SGCZ: variants seen among roughly 807,000 people sequenced by gnomAD.
SGCZ encodes the protein sarcoglycan zeta.
In SGCZ, 40 loss-of-function variants were observed where a neutral mutation model predicts 41.3. The ratio of observed to expected loss-of-function variants is 0.97; its 90% CI spans 0.75 to 1.26. SGCZ has a LOEUF of 1.26. Ranked by LOEUF, SGCZ falls within the 50% of genes most tolerant of loss-of-function variation. The pLI is 0.00. For synonymous variants in SGCZ, 206 were observed against 137.5 expected, an observed-to-expected ratio of 1.50 and a Z score of -3.49; for missense variants, 552 against 369.8, an observed-to-expected ratio of 1.49 and a Z score of -4.04.
At chr8:15,228,521 T>C (rs529525504) in intron 1 of SGCZ, among the ~76,000 whole-genome samples, 1 of 152,182 alleles carries the variant, frequency 6.6e-6, no homozygotes, top group Non-Finnish European at 1.5e-5. Flanking sequence ...AAAATAGATT[T>C]GAAAACTTTA....
intron 5 of SGCZ, among the ~76,000 whole-genome samples, chr8:14,108,479 G>A (rs1218612377): frequency 1.3e-5 from 2 of 152,106 alleles, no homozygotes; most frequent in African/African-American, 2.4e-5. Context: ...GAGGCAACAG[G>A]CACTTCATAC....
chr8:14,774,749 G>A (rs914987101), intron 1 of SGCZ, among the ~76,000 whole-genome samples: 2 of 152,156 alleles, frequency 1.3e-5, no homozygotes, highest in African/African-American at 4.8e-5. Flanking sequence ...TCATTAGCAC[G>A]AAGGCAATAT....
intron 1 of SGCZ, among the ~76,000 whole-genome samples, chr8:14,679,435 G>A (rs536366548): frequency 2.2e-4 from 33 of 151,570 alleles, no homozygotes; most frequent in African/African-American, 7.0e-4. Context: ...TCCTGACCCC[G>A]CATAGGCCCA....
intron 1 of SGCZ, among the ~76,000 whole-genome samples, chr8:15,037,339 A>T (rs565336970): frequency 6.6e-6 from 1 of 152,148 alleles, no homozygotes; most frequent in South Asian, 2.1e-4. Flanking sequence ...TCACCATGTG[A>T]CGAAGGATAC....
At chr8:14,904,817 C>T (rs1218781452) in intron 1 of SGCZ, among the ~76,000 whole-genome samples, 3 of 151,774 alleles carry the variant, frequency 2.0e-5, no homozygotes, top group Non-Finnish European at 1.5e-5. Context: ...TTCTACAAGT[C>T]GTCACAGATT....
intron 1 of SGCZ, among the ~76,000 whole-genome samples, chr8:15,193,318 A>G (rs1438327758): frequency 6.6e-6 from 1 of 152,158 alleles, no homozygotes; most frequent in Non-Finnish European, 1.5e-5. Flanking sequence ...AGAATTCTAA[A>G]GCATTTAGGT....
chr8:15,063,798 A>G (rs1805025406), intron 1 of SGCZ, among the ~76,000 whole-genome samples: 1 of 152,186 alleles, frequency 6.6e-6, no homozygotes, highest in Non-Finnish European at 1.5e-5. Flanking sequence ...CTTGAAATTG[A>G]GTTATTAGTA....
Position 14,455,455 on chromosome 8 carries a change from T to TACACACACACACACAC in SGCZ, c.234+99261_234+99276dup, listed in dbSNP as rs5889534. On this transcript the variant is annotated intron_variant, in intron 2 of 7. Transcript: ENST00000382080. ...AGTGTTGAAGGGACATTTGCATGCATACACACACACACACACACACACACA... is the reference window on the plus strand; with the variant it reads ...AGTGTTGAAGGGACATTTGCATGCATACACACACACACACACACACACACACACACACACACACACA... Among the ~76,000 whole-genome samples the TACACACACACACACAC allele has an allele frequency of 7.8e-4, 113 of 144,448 alleles. 1 individual carries two copies. Among genetic ancestry groups the TACACACACACACACAC allele is most frequent in the Non-Finnish European group, 1.3e-3 (86 of 65,484 alleles). 94.8% of individuals were successfully genotyped at this position (144,448 alleles called of 152,430 possible).
intron 5 of SGCZ, among the ~76,000 whole-genome samples, chr8:14,157,324 A>G (rs921909096): frequency 1.4e-5 from 2 of 143,068 alleles, no homozygotes; most frequent in African/African-American, 5.1e-5. Flanking sequence ...TGTTATATAC[A>G]TATATATGCC....
intron 1 of SGCZ, among the ~76,000 whole-genome samples, chr8:14,837,476 C>T (rs1802738891): frequency 6.6e-6 from 1 of 152,160 alleles, no homozygotes; most frequent in Admixed American, 6.5e-5. Context: ...GAATTGGCTG[C>T]TCATATAGGG....
In SGCZ at chr8:14,631,748, G is replaced by A. The variant is rs115778069; in HGVS notation, c.40-76822C>T. On this transcript the variant is annotated intron_variant, in intron 1 of 7. Coordinates refer to ENST00000382080, the MANE Select transcript of SGCZ (RefSeq NM_139167.4). ...AGTATTATCTCATATAAACAATAAT[G>A]TAGCAGAAGGATTATAGAACTGAGA... Among the ~76,000 whole-genome samples the A allele has an allele frequency of 8.8e-3, 1,337 of 152,158 alleles. 18 individuals carry two copies. The highest frequency in any genetic ancestry group is 0.031 in the African/African-American group (1,267 of 41,532).
At chr8:14,376,349 T>A (rs1804128081) in intron 2 of SGCZ, among the ~76,000 whole-genome samples, 3 of 151,772 alleles carry the variant, frequency 2.0e-5, no homozygotes, top group South Asian at 4.2e-4. Flanking sequence ...ATAAAAAAAA[T>A]ACAATGGAAA....
intron 1 of SGCZ, among the ~76,000 whole-genome samples, chr8:14,718,817 T>G (rs992025107): frequency 6.7e-6 from 1 of 149,754 alleles, no homozygotes; most frequent in African/African-American, 2.5e-5. Flanking sequence ...ACTCTTTGTC[T>G]TTTTTCTTTT....
intron 1 of SGCZ, among the ~76,000 whole-genome samples, chr8:15,233,268 G>C (rs1239152974): frequency 6.7e-6 from 1 of 148,998 alleles, no homozygotes; most frequent in African/African-American, 2.5e-5. Context: ...TCATCAGAAA[G>C]CTTCCTACAC....
chr8:15,072,736 A>C (rs560764803), intron 1 of SGCZ, among the ~76,000 whole-genome samples: 5 of 152,210 alleles, frequency 3.3e-5, no homozygotes, highest in Non-Finnish European at 4.4e-5. Flanking sequence ...GAAGCTTTGC[A>C]ATACATTTCA....
At chr8:15,109,810 T>C (rs559782422) in intron 1 of SGCZ, among the ~76,000 whole-genome samples, 1 of 152,294 alleles carries the variant, frequency 6.6e-6, no homozygotes, top group Non-Finnish European at 1.5e-5. Context: ...ACAGGTGACA[T>C]TGCAGAAATA....
At chr8:14,298,636 G>C (rs557997816) in intron 3 of SGCZ, among the ~76,000 whole-genome samples, 7 of 152,002 alleles carry the variant, frequency 4.6e-5, no homozygotes, top group African/African-American at 1.7e-4. Flanking sequence ...ACAAATATAA[G>C]CAGGATCTGT....
Position 14,276,785 on chromosome 8 carries a change from G to C in SGCZ, c.337-39106C>G, listed in dbSNP as rs73521389. Among the ~76,000 whole-genome samples, 410 of 152,248 alleles carry C rather than the reference G, an allele frequency of 2.7e-3. 3 individuals are homozygous for C. The highest frequency in any genetic ancestry group is 9.3e-3 in the African/African-American group (387 of 41,546). ...TGGGGCAGGAAAATAGGGTCTGGAG[G>C]CAGGAAACAGAAGGCCAATTCCCAC... On this transcript the variant is annotated intron_variant, in intron 3 of 7. Transcript: ENST00000382080.
At chr8:14,480,621 C>G (rs1410490379) in intron 2 of SGCZ, among the ~76,000 whole-genome samples, 1 of 152,054 alleles carries the variant, frequency 6.6e-6, no homozygotes, top group Non-Finnish European at 1.5e-5. Flanking sequence ...AGTAACAGAG[C>G]TCGGGGCTTG....
Sources: allele counts gnomAD v4.1 joint callset (sites outside exome capture counted in the v4.1 genomes callset), GRCh38; gene constraint gnomAD v4.1.1; transcripts MANE v1.5; gene names NCBI Gene and HGNC (gene_info 2026-07-23, HGNC 2026-07-21).